The following SORCS2 variants were observed in gnomAD, a reference collection of about 807,000 sequenced individuals.
The protein encoded by SORCS2 is VPS10 domain-containing receptor SorCS2.
SORCS2 carries 100 observed loss-of-function variants against 141.6 expected under a neutral mutation model. That is an observed-to-expected ratio of 0.71 (90% CI 0.60 to 0.83). SORCS2 has a LOEUF of 0.83. Ranked by LOEUF, SORCS2 falls within the 40% of genes least tolerant of loss-of-function variation. The pLI is 0.00. For synonymous variants in SORCS2, 789 were observed against 676.9 expected (o/e 1.17, Z -2.57); for missense variants, 1,646 against 1,560.2 (o/e 1.05, Z -0.93).
chr4:7,493,329 C>T (rs979881118), intron 2 of SORCS2, among the ~76,000 whole-genome samples: 4 of 152,234 alleles, frequency 2.6e-5, no homozygotes, highest in African/African-American at 7.2e-5. Flanking sequence ...GATGGGTTGG[C>T]GAATCCCATG....
chr4:7,594,328 G>A (rs921978859), intron 3 of SORCS2, among the ~76,000 whole-genome samples: 1 of 152,250 alleles, frequency 6.6e-6, no homozygotes, highest in East Asian at 1.9e-4. Flanking sequence ...GTGGCCTGGA[G>A]TGGGAAATAA....
intron 2 of SORCS2, among the ~76,000 whole-genome samples, chr4:7,461,078 C>T (rs569478703): frequency 1.3e-5 from 2 of 152,192 alleles, no homozygotes; most frequent in East Asian, 1.9e-4. Flanking sequence ...TTCAAGATGC[C>T]CTGCCACAAA....
At chr4:7,724,271 A>ATGG (rs1205792946) in intron 19 of SORCS2, among the ~76,000 whole-genome samples, 126 of 126,078 alleles carry the variant, frequency 1.0e-3, no homozygotes, top group African/African-American at 4.4e-3. Flanking sequence ...GATGGTGATG[A>ATGG]TGGTGGTGGT....
At chr4:7,593,847 A>G (rs980305109) in intron 3 of SORCS2, among the ~76,000 whole-genome samples, 3 of 152,170 alleles carry the variant, frequency 2.0e-5, no homozygotes, top group Non-Finnish European at 4.4e-5. Flanking sequence ...CTCCGGCGAT[A>G]CCTCTGCCCC....
At chr4:7,315,795 G>C (rs1397264792) in intron 1 of SORCS2, among the ~76,000 whole-genome samples, 2 of 152,156 alleles carry the variant, frequency 1.3e-5, no homozygotes, top group African/African-American at 2.4e-5. Context: ...TCTCTCCCCA[G>C]TGACTAGCTG....
At chr4:7,584,989 C>T (rs983689651) in intron 3 of SORCS2, among the ~76,000 whole-genome samples, 13 of 152,104 alleles carry the variant, frequency 8.5e-5, no homozygotes, top group African/African-American at 4.8e-5. Flanking sequence ...TGATTCCCGG[C>T]GTGACTGCAT....
chr4:7,473,955 C>T (rs1730136775), intron 2 of SORCS2, among the ~76,000 whole-genome samples: 1 of 152,172 alleles, frequency 6.6e-6, no homozygotes, highest in African/African-American at 2.4e-5. Flanking sequence ...GATGTCGTTA[C>T]CCAGCTTTAA....
intron 22 of SORCS2, 45 bp from the exon 23 acceptor site, chr4:7,729,542 A>G (rs1177363542): frequency 4.5e-6 from 7 of 1,551,598 alleles, no homozygotes; most frequent in Non-Finnish European, 6.1e-6. Flanking sequence ...TGAGGCAGGG[A>G]ATGAGGAAGA....
chr4:7,378,157 C>T (rs1462571484), intron 1 of SORCS2, among the ~76,000 whole-genome samples: 2 of 152,172 alleles, frequency 1.3e-5, no homozygotes, highest in Non-Finnish European at 2.9e-5. Context: ...AGGCTTGTGA[C>T]TCTTCATGGC....
At chr4:7,354,609 A>G (rs982048311) in intron 1 of SORCS2, among the ~76,000 whole-genome samples, 5 of 152,178 alleles carry the variant, frequency 3.3e-5, no homozygotes, top group African/African-American at 1.2e-4. Context: ...CTGCAAAAGC[A>G]CCAGAGGCCA....
At chr4:7,723,646 C>T (rs1726754313) in intron 18 of SORCS2, 51 bp from the exon 19 acceptor site, 7 of 1,593,980 alleles carry the variant, frequency 4.4e-6, no homozygotes, top group Non-Finnish European at 5.2e-6. Context: ...CCACTCTGGC[C>T]CCTCAGCTTC....
At chr4:7,666,233 G>A (rs1224238642) in intron 7 of SORCS2, among the ~76,000 whole-genome samples, 6 of 152,230 alleles carry the variant, frequency 3.9e-5, no homozygotes, top group South Asian at 2.1e-4. Context: ...CGACGTCCAC[G>A]TCTGGTCTGT....
At chr4:7,590,927 C>G (rs542170215) in intron 3 of SORCS2, among the ~76,000 whole-genome samples, 64 of 152,076 alleles carry the variant, frequency 4.2e-4, no homozygotes, top group Middle Eastern at 3.4e-3. Flanking sequence ...TAGGGGTGAG[C>G]TTTCTTGTCC....
intron 3 of SORCS2, among the ~76,000 whole-genome samples, chr4:7,634,876 A>T (rs192890124): frequency 6.6e-6 from 1 of 152,118 alleles, no homozygotes; most frequent in East Asian, 1.9e-4. Context: ...CCACAACCCC[A>T]TCCGATGCCC....
At chr4:7,715,149 C>T in intron 16 of SORCS2, 34 bp from the exon 17 acceptor site, 1 of 1,608,742 alleles carries the variant, frequency 6.2e-7, no homozygotes, top group Non-Finnish European at 8.5e-7. Flanking sequence ...CCCACCTGTG[C>T]CCGTCACTTA....
intron 2 of SORCS2, among the ~76,000 whole-genome samples, chr4:7,529,286 C>G (rs1314290037): frequency 6.6e-6 from 1 of 152,176 alleles, no homozygotes; most frequent in African/African-American, 2.4e-5. Context: ...CCTCCCTCAC[C>G]CTCCACCCGC....
chr4:7,396,248 C>G, intron 1 of SORCS2, 40 bp from the exon 2 acceptor site: 1 of 1,599,892 alleles, frequency 6.3e-7, no homozygotes, highest in Non-Finnish European at 8.6e-7. Context: ...AACCTTGGCA[C>G]CCACTGATTT....
At chr4:7,381,219 G>A (rs150688358) in intron 1 of SORCS2, among the ~76,000 whole-genome samples, 64 of 152,272 alleles carry the variant, frequency 4.2e-4, no homozygotes, top group East Asian at 3.1e-3. Flanking sequence ...CTGTTTGGTC[G>A]ATGACATGAC....
chr4:7,666,013 G>A (rs985901333), intron 7 of SORCS2, among the ~76,000 whole-genome samples: 1 of 152,112 alleles, frequency 6.6e-6, no homozygotes, highest in Non-Finnish European at 1.5e-5. Context: ...TGATTTGGGG[G>A]GCTTGCGAGG....
Sources: allele counts gnomAD v4.1 joint callset (sites outside exome capture counted in the v4.1 genomes callset), GRCh38; gene constraint gnomAD v4.1.1; transcripts MANE v1.5; gene names NCBI Gene and HGNC (gene_info 2026-07-23, HGNC 2026-07-21).